Variants in DRAM1 observed in about 807,000 individuals in gnomAD.
The protein encoded by DRAM1 is DNA damage-regulated autophagy modulator protein 1.
DRAM1 carries 25 observed loss-of-function variants against 28.5 expected under a neutral mutation model. That is an observed-to-expected ratio of 0.88 (90% CI 0.64 to 1.23). The LOEUF (loss-of-function observed/expected upper bound fraction) is 1.23, where lower values mean the gene tolerates loss of function less well. Among genes scored for constraint, DRAM1 ranks in the 50% most tolerant of loss-of-function variants. The pLI is 0.00. For synonymous variants in DRAM1, 113 were observed against 114.2 expected, an observed-to-expected ratio of 0.99 and a Z score of 0.07; for missense variants, 249 against 299.2, an observed-to-expected ratio of 0.83 and a Z score of 1.24.
intron 1 of DRAM1, among the ~76,000 whole-genome samples, chr12:101,895,186 G>GTTTTTTTTTTTTTTTTTTTT (rs574722379): frequency 7.9e-4 from 60 of 75,722 alleles, no homozygotes; most frequent in East Asian, 4.0e-3. Context: ...AACCCTTCAG[G>GTTTTTTTTTTTTTTTTTTTT]TTTTTTTTTT....
intron 5 of DRAM1, among the ~76,000 whole-genome samples, chr12:101,915,898 TA>T (rs1325501036): frequency 6.6e-6 from 1 of 152,078 alleles, no homozygotes; most frequent in African/African-American, 2.4e-5. Context: ...GAAAGAGTAT[TA>T]TTAGATGAGT....
Position 101,888,181 on chromosome 12 carries a change from G to A in DRAM1, c.132-9682G>A, listed in dbSNP as rs1219092809. Among the ~76,000 whole-genome samples, 3 of 152,238 alleles carry A rather than the reference G, an allele frequency of 2.0e-5. No homozygotes were observed. In the East Asian group the frequency reaches 5.8e-4, roughly 29 times the overall value. On this transcript the variant is annotated intron_variant, in intron 1 of 6. Transcript: ENST00000258534. The stretch of plus-strand genomic sequence containing the variant: ...TTTTTGCTCTGTTGCCCAGGCTGGT[G>A]TGCAATGGTGTGATCTCAGCTCACT...
chr12:101,879,447 T>G (rs1455901308), intron 1 of DRAM1, among the ~76,000 whole-genome samples: 1 of 152,228 alleles, frequency 6.6e-6, no homozygotes, highest in Non-Finnish European at 1.5e-5. Flanking sequence ...TTATTGTTAT[T>G]ATTTTTTATT....
At chr12:101,915,448 A>G (rs964841106) in intron 5 of DRAM1, among the ~76,000 whole-genome samples, 1 of 152,140 alleles carries the variant, frequency 6.6e-6, no homozygotes, top group Non-Finnish European at 1.5e-5. Flanking sequence ...GTGAGAAATC[A>G]CTGCAGCCGG....
At chr12:101,902,646 T>C (rs1873649104) in intron 3 of DRAM1, among the ~76,000 whole-genome samples, 1 of 152,242 alleles carries the variant, frequency 6.6e-6, no homozygotes, top group African/African-American at 2.4e-5. Flanking sequence ...AAGGGCTGAC[T>C]TTAAGAAGAA....
chr12:101,901,859 A>AC (rs1257058200), intron 3 of DRAM1, among the ~76,000 whole-genome samples: 2 of 125,362 alleles, frequency 1.6e-5, no homozygotes, highest in East Asian at 4.5e-4. Context: ...ACAGAGCGAG[A>AC]CTCTATCTCA....
intron 3 of DRAM1, among the ~76,000 whole-genome samples, chr12:101,902,990 G>A (rs1055330427): frequency 7.3e-5 from 11 of 151,716 alleles, no homozygotes; most frequent in East Asian, 5.8e-4. Context: ...GCGCGATCTC[G>A]GTTCACTGCA....
intron 1 of DRAM1, among the ~76,000 whole-genome samples, chr12:101,891,258 A>G (rs987046014): frequency 2.0e-5 from 3 of 152,190 alleles, no homozygotes; most frequent in African/African-American, 7.2e-5. Context: ...GTCCCTATCA[A>G]TCATCCAAGC....
At chr12:101,913,981 T>C (rs1451997223) in intron 4 of DRAM1, among the ~76,000 whole-genome samples, 193 bp from the exon 5 acceptor site, 2 of 152,178 alleles carry the variant, frequency 1.3e-5, no homozygotes, top group Non-Finnish European at 2.9e-5. Context: ...AATTTGAAGT[T>C]TGAGTTTATA....
chr12:101,908,659 T>C (rs1461132931), intron 4 of DRAM1, among the ~76,000 whole-genome samples: 1 of 149,504 alleles, frequency 6.7e-6, no homozygotes, highest in African/African-American at 2.5e-5. Flanking sequence ...AGACATCACC[T>C]GGGAAGGGTG....
chr12:101,921,124 C>T (rs1261831635), intron 6 of DRAM1, 92 bp from the exon 7 acceptor site: 2 of 920,512 alleles, frequency 2.2e-6, no homozygotes, highest in African/African-American at 3.3e-5. Flanking sequence ...TGAGATCATT[C>T]CTTAGGTGGT....
chr12:101,904,868 T>G, intron 3 of DRAM1, among the ~76,000 whole-genome samples: 1 of 152,182 alleles, frequency 6.6e-6, no homozygotes, highest in East Asian at 1.9e-4. Context: ...CGAAAATTCA[T>G]GTCTGATCTA....
At chr12:101,909,404 G>A (rs770856102) in intron 4 of DRAM1, among the ~76,000 whole-genome samples, 4 of 152,092 alleles carry the variant, frequency 2.6e-5, no homozygotes, top group East Asian at 1.9e-4. Context: ...TTCTCACAGG[G>A]CCAGTTTCAT....
At chr12:101,889,162 T>C (rs935194227) in intron 1 of DRAM1, among the ~76,000 whole-genome samples, 1 of 152,140 alleles carries the variant, frequency 6.6e-6, no homozygotes. Flanking sequence ...TTGCCTTTCA[T>C]TCCATCAAGA....
At chr12:101,890,652 G>A (rs1431742680) in intron 1 of DRAM1, among the ~76,000 whole-genome samples, 1 of 152,124 alleles carries the variant, frequency 6.6e-6, no homozygotes, top group Non-Finnish European at 1.5e-5. Context: ...TTGCTTGTGG[G>A]TAGTGAGAAA....
At chr12:101,896,021 G>A (rs1483840714) in intron 1 of DRAM1, among the ~76,000 whole-genome samples, 1 of 151,944 alleles carries the variant, frequency 6.6e-6, no homozygotes, top group Non-Finnish European at 1.5e-5. Flanking sequence ...TGAGTAGCTG[G>A]GATTACAGGC....
In DRAM1 at chr12:101,877,768, C is replaced by A; in HGVS notation, c.-22C>A. On this transcript the variant is annotated 5_prime_UTR_variant, in exon 1 of 7. Transcript: ENST00000258534. The surrounding 1 kb of genome is among the most constrained non-coding windows in gnomAD (Gnocchi z 4.1). ...CCCGGCCCCGCTGGGCGCAGCACTC[C>A]GTCGGCGGCGGCGGCGGCGCGATGC... 1.4e-6 allele frequency: 2 copies of A among 1,477,040 alleles called. No individual in the cohort carries two copies. The highest frequency in any genetic ancestry group is 1.5e-5 in the African/African-American group (1 of 68,844). 91.5% of individuals were successfully genotyped at this position (1,477,040 alleles called of 1,614,324 possible).
intron 2 of DRAM1, among the ~76,000 whole-genome samples, chr12:101,899,880 A>G (rs555830927): frequency 5.0e-4 from 76 of 152,238 alleles, no homozygotes; most frequent in African/African-American, 1.8e-3. Context: ...CATTTAGGCT[A>G]TTTCTGGTAT....
intron 1 of DRAM1, among the ~76,000 whole-genome samples, chr12:101,884,997 A>G (rs1352412073): frequency 2.0e-5 from 3 of 148,328 alleles, no homozygotes; most frequent in East Asian, 3.9e-4. Flanking sequence ...GCAATGGCGC[A>G]ATCTTGGCCC....
Sources: allele counts gnomAD v4.1 joint callset (sites outside exome capture counted in the v4.1 genomes callset), GRCh38; gene constraint gnomAD v4.1.1; non-coding constraint Gnocchi (gnomAD v3.1); transcripts MANE v1.5; gene names NCBI Gene and HGNC (gene_info 2026-07-23, HGNC 2026-07-21).